Variants in CSF2RA observed in about 807,000 individuals in gnomAD.
CSF2RA encodes colony stimulating factor 2 receptor subunit alpha, also known as granulocyte-macrophage colony-stimulating factor receptor subunit alpha.
In CSF2RA, 42 loss-of-function variants were observed where a neutral mutation model predicts 51.6. The ratio of observed to expected loss-of-function variants is 0.81; its 90% confidence interval spans 0.64 to 1.05. The LOEUF is 1.05. Among genes scored for constraint, CSF2RA ranks in the 50% least tolerant of loss-of-function variants. The pLI is 0.00. For missense variants in CSF2RA, 530 were observed against 501.1 expected (o/e 1.06, Z -0.55); for synonymous variants, 222 against 193.0 (o/e 1.15, Z -1.24).
downstream of CSF2RA, among the ~76,000 whole-genome samples, chrX:1,314,936 T>TTGCCCAACCCCTCTGTGCC (rs1338581826): frequency 1.7e-3 from 36 of 21,724 alleles, 3 homozygotes; most frequent in East Asian, 0.018. Context: ...CGCACTGCAC[T>TTGCCCAACCCCTCTGTGCC]TGCCCAACCC....
chrX:1,295,260 C>A (rs1387115561), intron 8 of CSF2RA, among the ~76,000 whole-genome samples, 167 bp from the exon 9 acceptor site: 1 of 152,124 alleles, frequency 6.6e-6, no homozygotes, highest in Non-Finnish European at 1.5e-5. Flanking sequence ...AGCTCCTCAT[C>A]CTACCTGTCT....
At chrX:1,302,941 G>C (rs1271584299) in intron 10 of CSF2RA, 3 of 227,228 alleles carry the variant, frequency 1.3e-5, no homozygotes, top group Non-Finnish European at 2.4e-5. Context: ...GCACGATCTC[G>C]GCTCACTGCA....
chrX:1,285,946 C>G, intron 4 of CSF2RA, 26 bp downstream of exon 4: 1 of 1,613,678 alleles, frequency 6.2e-7, no homozygotes. Flanking sequence ...CATTCTCAAC[C>G]CCTGTCCTTT....
intron 12 of CSF2RA, among the ~76,000 whole-genome samples, chrX:1,308,177 CT>C (rs1305842039): frequency 9.2e-5 from 14 of 152,248 alleles, no homozygotes; most frequent in Middle Eastern, 3.4e-3. Context: ...TACAAAGCCC[CT>C]TCGTAGCAGC....
downstream of CSF2RA, among the ~76,000 whole-genome samples, chrX:1,314,870 G>GCACTGCACCTGCCCAATCC (rs2084468671): frequency 3.1e-5 from 1 of 32,350 alleles, no homozygotes; most frequent in African/African-American, 9.7e-5. Flanking sequence ...CTGCCCAACC[G>GCACTGCACCTGCCCAATCC]CACTGCACCT....
chrX:1,309,279 C>A (rs1360747854), intron 12 of CSF2RA, 123 bp from the exon 13 acceptor site: 10 of 999,232 alleles, frequency 1.0e-5, no homozygotes, highest in Non-Finnish European at 1.6e-5. Flanking sequence ...GACACCACTG[C>A]ACTCCAGCCT....
At chrX:1,279,777 GT>G (rs35859383) in intron 2 of CSF2RA, among the ~76,000 whole-genome samples, 3,882 of 149,842 alleles carry the variant, frequency 0.026, 159 homozygotes, top group African/African-American at 0.089. Flanking sequence ...AGACACAACC[GT>G]TTTTTTTTTT....
intron 8 of CSF2RA, 57 bp from the exon 9 acceptor site, chrX:1,295,369 TA>T: frequency 6.2e-7 from 1 of 1,601,024 alleles, no homozygotes; most frequent in East Asian, 2.2e-5. Flanking sequence ...GTGAACCATC[TA>T]CAGTGTTTTA....
chrX:1,304,056 C>G, intron 11 of CSF2RA, 37 bp downstream of exon 11: 1 of 1,520,326 alleles, frequency 6.6e-7, no homozygotes, highest in Non-Finnish European at 9.1e-7. Context: ...CCAATGAAAA[C>G]AGGCCAGGCC....
At chrX:1,282,885 G>A in intron 3 of CSF2RA, 106 bp downstream of exon 3, 1 of 984,570 alleles carries the variant, frequency 1.0e-6, no homozygotes, top group East Asian at 2.4e-5. Flanking sequence ...CATCTCTAAT[G>A]TTTATGAGGG....
chrX:1,302,397 C>A (rs1332288939), intron 10 of CSF2RA, among the ~76,000 whole-genome samples: 3 of 152,132 alleles, frequency 2.0e-5, no homozygotes, highest in Non-Finnish European at 2.9e-5. Context: ...CAGTGGTGCA[C>A]CTCTACCTCC....
At chrX:1,277,672 A>C (rs1226319476) in intron 2 of CSF2RA, among the ~76,000 whole-genome samples, 1 of 149,310 alleles carries the variant, frequency 6.7e-6, no homozygotes, top group Admixed American at 6.8e-5. Context: ...AAAGTAAAAC[A>C]GTGAAAGAAT....
intron 9 of CSF2RA, 99 bp from the exon 10 acceptor site, chrX:1,300,392 A>T: frequency 1.4e-6 from 2 of 1,414,252 alleles, no homozygotes; most frequent in Non-Finnish European, 2.0e-6. Flanking sequence ...AGAAAAAAAG[A>T]AAAGGAGAAA....
chrX:1,293,394 G>GTATTTTT (rs1569504597), intron 7 of CSF2RA, among the ~76,000 whole-genome samples: 1 of 151,928 alleles, frequency 6.6e-6, no homozygotes, highest in Non-Finnish European at 1.5e-5. Context: ...AATTTTTTTG[G>GTATTTTT]ATTTTTAGTA....
Position 1,283,814 on chromosome X carries a change from G to A in CSF2RA, c.76+1035G>A, listed in dbSNP as rs144998420. Among the ~76,000 whole-genome samples the A allele has an allele frequency of 4.7e-3, 710 of 151,852 alleles. 7 individuals carry two copies. Among genetic ancestry groups the A allele is most frequent in the African/African-American group, 0.016 (655 of 41,442 alleles). On this transcript the variant is annotated intron_variant, in intron 3 of 12. Transcript: ENST00000381529. ...CAATCTCCTGGCCTCAGGTGATCCC[G>A]TGCCTCGGCCTCCCAAAGTGCTAGG...
chrX:1,316,045 C>CAAT, the CSF2RA span, among the ~76,000 whole-genome samples: 1 of 58,200 alleles, frequency 1.7e-5, no homozygotes, highest in Non-Finnish European at 4.5e-5. Context: ...GACCAATAGA[C>CAAT]AGATAGATAG....
the CSF2RA span, among the ~76,000 whole-genome samples, chrX:1,316,168 G>C: frequency 6.6e-6 from 1 of 151,792 alleles, no homozygotes; most frequent in African/African-American, 2.4e-5. Flanking sequence ...TGATAGAAGA[G>C]CTAGACAGAT....
intron 4 of CSF2RA, among the ~76,000 whole-genome samples, chrX:1,286,570 CAAAAAA>C (rs751865388): frequency 6.3e-5 from 9 of 142,798 alleles, no homozygotes; most frequent in Non-Finnish European, 1.1e-4. Context: ...ACTCTGTCTC[CAAAAAA>C]AAAAAAAAAT....
rs773782232 is a variant in CSF2RA, at chrX:1,296,473, G to T, written c.810+1017G>T. Among the ~76,000 whole-genome samples, 196 of 28,282 alleles carry T rather than the reference G, an allele frequency of 6.9e-3. 42 individuals are homozygous for T. The highest frequency in any genetic ancestry group is 0.052 in the Admixed American group (165 of 3,180). 18.6% of individuals were successfully genotyped at this position (28,282 alleles called of 152,430 possible). A position where few individuals can be genotyped will look rare whatever the true frequency, so the allele number is the denominator to read the frequency against. On this transcript the variant is annotated intron_variant, in intron 9 of 12. Transcript: ENST00000381529. The stretch of plus-strand genomic sequence containing the variant: ...CCATGACCCCTGGCAGAACCGTACA[G>T]TCCCCTACTCACGACCCCTACAGTC...
Sources: gnomAD v4.1 joint callset for allele counts (sites outside exome capture counted in the v4.1 genomes callset) on GRCh38, gnomAD v4.1.1 for gene constraint, MANE v1.5 for transcripts, NCBI Gene and HGNC (gene_info 2026-07-23, HGNC 2026-07-21) for gene names.